ZMYM4: variants seen among roughly 807,000 people sequenced by gnomAD.
The protein encoded by ZMYM4 is zinc finger MYM-type containing 4, also known as zinc finger MYM-type protein 4.
A neutral mutation model predicts 183.2 loss-of-function variants in ZMYM4; 31 were observed. That is an observed-to-expected ratio of 0.17 (90% CI 0.13 to 0.23). The LOEUF (loss-of-function observed/expected upper bound fraction) is 0.23, where lower values mean the gene tolerates loss of function less well. Ranked by LOEUF, ZMYM4 falls within the 10% of genes least tolerant of loss-of-function variation. The pLI is 1.00. For synonymous variants in ZMYM4, 592 were observed against 631.2 expected (o/e 0.94, Z 0.93); for missense variants, 1,273 against 1,840.3 (o/e 0.69, Z 5.64).
At chr1:35,295,473 A>AG (rs1197995712) in intron 1 of ZMYM4, among the ~76,000 whole-genome samples, 4 of 152,202 alleles carry the variant, frequency 2.6e-5, no homozygotes, top group African/African-American at 7.2e-5. Context: ...TAGATAATGT[A>AG]GGGCCTTTTA....
intron 7 of ZMYM4, among the ~76,000 whole-genome samples, chr1:35,374,047 T>TTG (rs1644279014): frequency 7.5e-6 from 1 of 133,360 alleles, no homozygotes; most frequent in Admixed American, 7.6e-5. Flanking sequence ...TTTTTTTTTT[T>TTG]GAGACAAGAG....
chr1:35,351,205 T>C, intron 2 of ZMYM4: 1 of 1,407,552 alleles, frequency 7.1e-7, no homozygotes. Flanking sequence ...TTGGGTACCC[T>C]GAAGGGCGCT....
intron 26 of ZMYM4, among the ~76,000 whole-genome samples, chr1:35,412,033 G>A (rs565755168): frequency 4.1e-4 from 62 of 151,718 alleles, no homozygotes; most frequent in Middle Eastern, 6.9e-3. Context: ...ACAGGCGCCC[G>A]CCACCGCGCC....
At chr1:35,349,754 C>T (rs1453316840) in intron 2 of ZMYM4, among the ~76,000 whole-genome samples, 2 of 150,910 alleles carry the variant, frequency 1.3e-5, no homozygotes, top group Admixed American at 6.6e-5. Flanking sequence ...TGCTTGAACC[C>T]GGGCAGTGGA....
In ZMYM4 at chr1:35,399,560, C is replaced by G. The variant is rs1476052095; in HGVS notation, c.3512C>G (p.Pro1171Arg). Residue 1171 changes from proline to arginine, a missense_variant, in exon 23 of 30, where the codon CCC (proline) becomes CGC (arginine). By Grantham distance (103) the Pro-to-Arg change is moderately radical. Transcript: ENST00000314607. ...RTRRRHRDGF[P>R]QPRRRGRKKS... is the part of the protein sequence containing the mutation. ...AGACGACGACACAGAGATGGCTTCC[C>G]CCAACCCAGACGAAGAGTAAGCTGC... 6.2e-7 allele frequency: 1 copy of G among 1,613,976 alleles called. No individual in the cohort carries two copies. Among genetic ancestry groups the G allele is most frequent in the Non-Finnish European group, 8.5e-7 (1 of 1,180,020 alleles).
chr1:35,290,618 T>TG (rs113896192), intron 1 of ZMYM4, among the ~76,000 whole-genome samples: 2,534 of 151,704 alleles, frequency 0.017, 55 homozygotes, highest in African/African-American at 0.047. Flanking sequence ...TTGTAGAGAT[T>TG]GGGGTCTTGC....
intron 19 of ZMYM4, 117 bp downstream of exon 19, chr1:35,396,787 C>A (rs545402726): frequency 5.6e-5 from 66 of 1,181,746 alleles, no homozygotes; most frequent in Non-Finnish European, 6.8e-5. Context: ...TTCTGATTGG[C>A]TGTTATCATA....
chr1:35,369,877 TTTGC>T, intron 5 of ZMYM4, 148 bp from the exon 6 acceptor site: 1 of 468,152 alleles, frequency 2.1e-6, no homozygotes. Context: ...TTAATTATAG[TTTGC>T]TTGCTGTTTT....
intron 1 of ZMYM4, among the ~76,000 whole-genome samples, chr1:35,278,543 A>T (rs937906266): frequency 1.3e-5 from 2 of 151,280 alleles, no homozygotes; most frequent in Non-Finnish European, 1.5e-5. Flanking sequence ...TTCCTGCCTC[A>T]GTCTCCCAAG....
Position 35,386,149 on chromosome 1 carries a change from T to C in ZMYM4, c.1796T>C (p.Ile599Thr). 1.2e-6 allele frequency: 2 copies of C among 1,613,968 alleles called. No individual in the cohort carries two copies. The highest frequency in any genetic ancestry group is 1.7e-6 in the Non-Finnish European group (2 of 1,179,920). Residue 599 changes from isoleucine to threonine, a missense_variant, in exon 11 of 30, where the codon ATA becomes ACA. This residue lies in a region of ZMYM4 where 319 missense variants were observed against 518.1 expected (regional missense o/e 0.62). Coordinates refer to ENST00000314607, the MANE Select transcript of ZMYM4 (RefSeq NM_005095.3). ...QYHLAMSDGS[I>T]RNFCSYSCVV... ...CACCTAGCCATGTCAGATGGAAGTA[T>C]ACGCAACTTCTGCAGCTACAGCTGT...
At chr1:35,299,760 G>C (rs1557946408) in intron 1 of ZMYM4, among the ~76,000 whole-genome samples, 4 of 151,928 alleles carry the variant, frequency 2.6e-5, no homozygotes, top group African/African-American at 9.7e-5. Context: ...ATTGGTTGCA[G>C]AAAGCAACCA....
intron 23 of ZMYM4, among the ~76,000 whole-genome samples, chr1:35,403,091 CT>C (rs1644940755): frequency 6.6e-6 from 1 of 152,182 alleles, no homozygotes; most frequent in South Asian, 2.1e-4. Flanking sequence ...GGGTATTGAA[CT>C]TCCTCAGGTG....
intron 23 of ZMYM4, 91 bp downstream of exon 23, chr1:35,399,667 C>G: frequency 7.4e-7 from 1 of 1,358,904 alleles, no homozygotes. Context: ...CTGTAACAGC[C>G]AGAGTCAGGT....
At chr1:35,294,423 A>G (rs1462950594) in intron 1 of ZMYM4, among the ~76,000 whole-genome samples, 1 of 152,212 alleles carries the variant, frequency 6.6e-6, no homozygotes, top group Non-Finnish European at 1.5e-5. Flanking sequence ...ATTTGATGAT[A>G]GATAGGGCAG....
intron 7 of ZMYM4, among the ~76,000 whole-genome samples, chr1:35,378,914 G>A (rs889473705): frequency 7.2e-5 from 11 of 152,122 alleles, no homozygotes; most frequent in Admixed American, 2.0e-4. Context: ...TCGTTAAACC[G>A]TATGAGCTAA....
intron 1 of ZMYM4, among the ~76,000 whole-genome samples, chr1:35,304,591 CTGTGACTATAGCG>C (rs1641442485): frequency 1.3e-5 from 2 of 151,156 alleles, no homozygotes; most frequent in African/African-American, 4.9e-5. Flanking sequence ...TTAAGAGTAC[CTGTGACTATAGCG>C]TGTGCCACAA....
rs942817934 is a variant in ZMYM4 at position 35,420,167 on chromosome 1, T to C, written c.*490T>C. ...CCCAGATTTGAAGACCCAATAAAAA[T>C]ACTCAACTTTTTAAAAAAGATAGTG... On this transcript the variant is annotated 3_prime_UTR_variant, in exon 30 of 30. Coordinates refer to ENST00000314607, the MANE Select transcript of ZMYM4 (RefSeq NM_005095.3). 3 of 158,092 alleles carry C rather than the reference T, an allele frequency of 1.9e-5. No individual in the cohort carries two copies. Among genetic ancestry groups the C allele is most frequent in the African/African-American group, 7.2e-5 (3 of 41,452 alleles). The allele number at this position is 158,092 out of a possible 1,614,324, so 9.8% of individuals were successfully genotyped here.
At chr1:35,282,980 G>T (rs868660904) in intron 1 of ZMYM4, among the ~76,000 whole-genome samples, 266 of 26,248 alleles carry the variant, frequency 0.01, 3 homozygotes, top group Admixed American at 0.061. Context: ...TGTGTGTGTG[G>T]TTTTTTTTTT....
At chr1:35,325,248 T>A (rs1176373892) in intron 1 of ZMYM4, 112 bp from the exon 2 acceptor site, 2 of 961,082 alleles carry the variant, frequency 2.1e-6, no homozygotes, top group Non-Finnish European at 3.0e-6. Flanking sequence ...TATTGTGCAC[T>A]TGTCATTTGG....
Sources: allele counts gnomAD v4.1 joint callset (sites outside exome capture counted in the v4.1 genomes callset), GRCh38; gene constraint gnomAD v4.1.1; regional missense constraint gnomAD v4.1.1; transcripts MANE v1.5; gene names NCBI Gene and HGNC (gene_info 2026-07-23, HGNC 2026-07-21).